Variants in ITIH3 observed in about 807,000 individuals in gnomAD.
ITIH3 encodes the protein inter-alpha-trypsin inhibitor heavy chain H3.
A neutral mutation model predicts 96.5 loss-of-function variants in ITIH3; 81 were observed. The observed-to-expected ratio is 0.84, with a 90% CI of 0.70 to 1.01. The LOEUF is 1.01. Ranked by LOEUF, ITIH3 falls within the 50% of genes least tolerant of loss-of-function variation. The pLI, the probability that ITIH3 is intolerant of heterozygous loss-of-function variation, is 0.00. For missense variants in ITIH3, 1,057 were observed against 1,139.3 expected, an observed-to-expected ratio of 0.93 and a Z score of 1.04; for synonymous variants, 422 against 445.2, an observed-to-expected ratio of 0.95 and a Z score of 0.66.
At chr3:52,808,406 A>G in intron 21 of ITIH3, 146 bp from the exon 22 acceptor site, 1 of 1,266,904 alleles carries the variant, frequency 7.9e-7, no homozygotes, top group Non-Finnish European at 1.1e-6. Flanking sequence ...CTTCCTCGAA[A>G]GAGTAATCAT....
At chr3:52,807,940 C>T (rs573199460) in intron 20 of ITIH3, 24 bp downstream of exon 20, 62 of 1,607,326 alleles carry the variant, frequency 3.9e-5, no homozygotes, top group Non-Finnish European at 5.3e-5. Context: ...AGACTGCAGG[C>T]TGTTCAGGCC....
chr3:52,805,700 G>C, intron 15 of ITIH3, 108 bp from the exon 16 acceptor site: 1 of 1,557,816 alleles, frequency 6.4e-7, no homozygotes, highest in Non-Finnish European at 8.7e-7. Flanking sequence ...CTATCTGCCA[G>C]TGTTGGGGCC....
At chr3:52,803,388 G>T (rs1457901046) in intron 13 of ITIH3, among the ~76,000 whole-genome samples, 1 of 149,028 alleles carries the variant, frequency 6.7e-6, no homozygotes, top group Non-Finnish European at 1.5e-5. Flanking sequence ...GCGGGATCTC[G>T]GCTCACTGCA....
chr3:52,805,454 G>A (rs768063254), intron 15 of ITIH3: 22 of 1,095,478 alleles, frequency 2.0e-5, no homozygotes, highest in Non-Finnish European at 2.4e-5. Flanking sequence ...AGAAGCAACA[G>A]ACAGCCGTGA....
chr3:52,802,630 G>T, intron 12 of ITIH3, 37 bp from the exon 13 acceptor site: 1 of 1,613,464 alleles, frequency 6.2e-7, no homozygotes, highest in South Asian at 1.1e-5. Context: ...ATCCACCCAA[G>T]CCTCCAGCCC....
intron 15 of ITIH3, chr3:52,805,574 A>G: frequency 7.4e-7 from 1 of 1,345,762 alleles, no homozygotes; most frequent in South Asian, 2.0e-5. Context: ...TTTCAGCCAC[A>G]TCAAAAAGCC....
chr3:52,796,651 G>A lies in ITIH3; in HGVS notation c.281+4G>A, dbSNP rs769032666. The A allele has an allele frequency of 6.2e-7, 1 of 1,611,410 alleles. No homozygotes were observed. Among genetic ancestry groups the A allele is most frequent in the Non-Finnish European group, 8.5e-7 (1 of 1,178,116 alleles). On this transcript the variant is annotated splice_donor_region_variant and intron_variant, in intron 3 of 21. Coordinates refer to ENST00000449956, the MANE Select transcript of ITIH3 (RefSeq NM_002217.4). Reference sequence around the variant, plus strand: ...CCTTCATCACCAACTTCACCTTGTGGGTACCACCATGGCTGCTGGCTCTGG... The same window carrying A: ...CCTTCATCACCAACTTCACCTTGTGAGTACCACCATGGCTGCTGGCTCTGG...
intron 21 of ITIH3, 109 bp downstream of exon 21, chr3:52,808,330 CTTGTTTCCCTT>C: frequency 1.8e-6 from 2 of 1,104,470 alleles, no homozygotes; most frequent in South Asian, 2.8e-5. Context: ...GTGGGGTACC[CTTGTTTCCCTT>C]TGAGGTCTTG....
rs139625655 is a variant in ITIH3 at position 52,805,645 on chromosome 3, G to A, written c.1874-163G>A. ...AGCCCCATAAAGGGCTTCCCTGGAC[G>A]TGCCCGATTTCCAAAGCCTAATCTT... is the stretch of plus-strand genomic sequence containing the variant. On this transcript the variant is annotated intron_variant, in intron 15 of 21. Transcript: ENST00000449956. 2.4e-4 allele frequency: 351 copies of A among 1,445,818 alleles called. 1 individual carries two copies. The East Asian group carries it at 7.8e-3, about 32-fold the overall frequency. 89.6% of individuals were successfully genotyped at this position (1,445,818 alleles called of 1,614,324 possible).
intron 13 of ITIH3, among the ~76,000 whole-genome samples, chr3:52,803,213 T>C (rs1699901168): frequency 6.6e-6 from 1 of 152,194 alleles, no homozygotes; most frequent in African/African-American, 2.4e-5. Context: ...ATCTAGCACA[T>C]GCTGAGTGCT....
rs757316590 is a variant in ITIH3, at chr3:52,808,192, G to A, written c.2514G>A (p.Val838=). The A allele has an allele frequency of 6.2e-7, 1 of 1,614,148 alleles. No homozygotes were observed. Among genetic ancestry groups the A allele is most frequent in the Non-Finnish European group, 8.5e-7 (1 of 1,179,992 alleles). The part of the protein sequence containing the change: ...SDPTKPDATL[V]VKNHQLIVTR... ...CCACAAAGCCAGATGCCACATTGGT[G>A]GTGAAGAACCATCAGCTGATTGTCA... is the stretch of plus-strand genomic sequence containing the variant. Residue 838 remains valine, a synonymous_variant, in exon 21 of 22, where the codon GTG becomes GTA. Transcript: ENST00000449956.
intron 5 of ITIH3, 97 bp from the exon 6 acceptor site, chr3:52,797,720 C>T (rs1020194304): frequency 1.2e-5 from 9 of 748,290 alleles, no homozygotes; most frequent in Non-Finnish European, 2.1e-5. Flanking sequence ...TAGAGGGTCC[C>T]TGCATCACCA....
Position 52,794,799 on chromosome 3 carries a change from C to T in ITIH3, c.-5C>T. ...GGAGCGTGGGCCAGGCCTGAGTATTCAGCGATGGCATTTGCATGGTGGCCC... is the reference window on the plus strand; with the variant it reads ...GGAGCGTGGGCCAGGCCTGAGTATTTAGCGATGGCATTTGCATGGTGGCCC... On this transcript the variant is annotated 5_prime_UTR_variant, in exon 1 of 22. Transcript: ENST00000449956. 6.2e-7 allele frequency: 1 copy of T among 1,613,064 alleles called. No individual in the cohort carries two copies. The highest frequency in any genetic ancestry group is 8.5e-7 in the Non-Finnish European group (1 of 1,179,066).
intron 10 of ITIH3, 149 bp from the exon 11 acceptor site, chr3:52,800,816 G>T (rs1699803743): frequency 8.3e-6 from 12 of 1,454,492 alleles, no homozygotes; most frequent in Non-Finnish European, 1.1e-5. Flanking sequence ...GCCTCCCTCT[G>T]CCAGGGCTCT....
In ITIH3 at chr3:52,803,907, C is replaced by G; in HGVS notation, c.1762C>G (p.Leu588Val). 1 of 1,614,004 alleles carries G rather than the reference C, an allele frequency of 6.2e-7. No individual in the cohort carries two copies. The highest frequency in any genetic ancestry group is 8.5e-7 in the Non-Finnish European group (1 of 1,179,878). The change falls in exon 14 of 22, where the codon CTG (leucine) becomes GTG (valine). Residue 588 changes from leucine (L) to valine (V), a missense_variant. Transcript: ENST00000449956. Reference protein sequence around the residue: ...KENLTARALDLSLKYHFVTPL... With the variant: ...KENLTARALDVSLKYHFVTPL... ...GAACCTCACGGCCCGGGCCCTGGAC[C>G]TGTCCCTCAAGTATCACTTTGTGAC...
chr3:52,804,828 A>G, intron 15 of ITIH3, 94 bp downstream of exon 15: 1 of 1,373,182 alleles, frequency 7.3e-7, no homozygotes, highest in Non-Finnish European at 1.0e-6. Flanking sequence ...ACCCCCAGCC[A>G]TGGGGGCACA....
chr3:52,799,311 GAATAGTC>G, intron 7 of ITIH3, 54 bp from the exon 8 acceptor site: 2 of 1,329,490 alleles, frequency 1.5e-6, no homozygotes, highest in Non-Finnish European at 2.1e-6. Flanking sequence ...CTACCTGCAA[GAATAGTC>G]AATGTGGTGT....
chr3:52,799,117 C>T (rs1224944346), intron 7 of ITIH3, 26 bp downstream of exon 7: 2 of 1,611,666 alleles, frequency 1.2e-6, no homozygotes, highest in Non-Finnish European at 1.7e-6. Flanking sequence ...GATTCATCAT[C>T]AGGGTGGGGC....
chr3:52,806,607 G>C (rs1700060207), intron 18 of ITIH3, among the ~76,000 whole-genome samples: 1 of 152,240 alleles, frequency 6.6e-6, no homozygotes, highest in South Asian at 2.1e-4. Context: ...GAGATGATTA[G>C]CGTGAATGGA....
Sources: allele counts gnomAD v4.1 joint callset (sites outside exome capture counted in the v4.1 genomes callset), GRCh38; gene constraint gnomAD v4.1.1; transcripts MANE v1.5; gene names NCBI Gene and HGNC (gene_info 2026-07-23, HGNC 2026-07-21).